KATNAL1: variants seen among roughly 807,000 people sequenced by gnomAD.
KATNAL1 encodes katanin p60 ATPase-containing subunit A-like 1.
Under a neutral mutation model 55.2 loss-of-function variants are expected in KATNAL1, and 32 were observed. The ratio of observed to expected loss-of-function variants is 0.58; its 90% confidence interval spans 0.44 to 0.78. KATNAL1 has a LOEUF of 0.78. Ranked by LOEUF, KATNAL1 falls within the 30% of genes least tolerant of loss-of-function variation. The probability of loss-of-function intolerance (pLI) is 0.00; values close to 1 mark genes in which losing one functional copy is unlikely to be tolerated. For synonymous variants in KATNAL1, 193 were observed against 193.6 expected (o/e 1.00, Z 0.02); for missense variants, 466 against 600.9 (o/e 0.78, Z 2.35).
chr13:30,269,188 T>C (rs1037775312), intron 3 of KATNAL1, among the ~76,000 whole-genome samples: 3 of 152,200 alleles, frequency 2.0e-5, no homozygotes, highest in African/African-American at 7.2e-5. Flanking sequence ...CCTGCCTGAT[T>C]CTCCTGCCTC....
At chr13:30,281,004 G>A (rs553069053) in intron 2 of KATNAL1, among the ~76,000 whole-genome samples, 96 of 151,314 alleles carry the variant, frequency 6.3e-4, no homozygotes, top group Non-Finnish European at 8.2e-4. Flanking sequence ...GTCCTAGTGC[G>A]AGTCTATAGT....
chr13:30,258,138 C>T (rs1013723242), intron 3 of KATNAL1, among the ~76,000 whole-genome samples: 1 of 152,312 alleles, frequency 6.6e-6, no homozygotes, highest in East Asian at 1.9e-4. Flanking sequence ...TACTAGCTTA[C>T]GGCACTTCAA....
At chr13:30,248,990 C>T (rs955218558) in intron 4 of KATNAL1, among the ~76,000 whole-genome samples, 29 of 151,364 alleles carry the variant, frequency 1.9e-4, no homozygotes, top group South Asian at 2.1e-4. Context: ...ACGCAGGAGG[C>T]GGAGCTTGCA....
intron 3 of KATNAL1, among the ~76,000 whole-genome samples, chr13:30,277,970 G>A (rs1350781643): frequency 5.5e-5 from 6 of 109,746 alleles, no homozygotes; most frequent in Middle Eastern, 7.7e-3. Flanking sequence ...GGGACAGAGC[G>A]AGACTCCGTC....
chr13:30,220,941 TG>T (rs760126043), intron 9 of KATNAL1, among the ~76,000 whole-genome samples: 127 of 152,196 alleles, frequency 8.3e-4, no homozygotes, highest in Non-Finnish European at 1.6e-3. Flanking sequence ...TCAGGTGATC[TG>T]CCCACATTGG....
intron 1 of KATNAL1, among the ~76,000 whole-genome samples, chr13:30,292,481 T>C (rs2137555281): frequency 6.6e-6 from 1 of 152,214 alleles, no homozygotes; most frequent in African/African-American, 2.4e-5. Flanking sequence ...AGGCCTAAGC[T>C]TAGAGAACCT....
rs899462289 is a variant in KATNAL1 at position 30,306,052 on chromosome 13, T to G, written c.-15+1279A>C. On this transcript the variant is annotated intron_variant, in intron 1 of 10. Coordinates refer to ENST00000380615, the MANE Select transcript of KATNAL1 (RefSeq NM_032116.5). ...TTTTATAGGATTTGTGGTCTTTTTGTTTTTAAACACACACACACACAAACT... is the reference window on the plus strand; with the variant it reads ...TTTTATAGGATTTGTGGTCTTTTTGGTTTTAAACACACACACACACAAACT... Among the ~76,000 whole-genome samples, 134 of 148,136 alleles carry G rather than the reference T, an allele frequency of 9.0e-4. 1 individual carries two copies. Among genetic ancestry groups the G allele is most frequent in the African/African-American group, 3.1e-3 (128 of 41,348 alleles).
intron 3 of KATNAL1, among the ~76,000 whole-genome samples, chr13:30,269,088 G>T (rs674253): frequency 0.29 from 44,592 of 151,420 alleles, 7,631 homozygotes; most frequent in Admixed American, 0.44. Flanking sequence ...CTCTCCCCAC[G>T]GTCTCTCTCT....
chr13:30,221,052 T>C (rs1874805251), intron 9 of KATNAL1, among the ~76,000 whole-genome samples: 1 of 152,186 alleles, frequency 6.6e-6, no homozygotes, highest in Admixed American at 6.5e-5. Context: ...GTAATGACAT[T>C]ATTAAATTAT....
chr13:30,271,664 A>C (rs2137507733), intron 3 of KATNAL1, among the ~76,000 whole-genome samples: 1 of 152,270 alleles, frequency 6.6e-6, no homozygotes, highest in Non-Finnish European at 1.5e-5. Flanking sequence ...TTACAATTCA[A>C]CATGAGATGT....
intron 3 of KATNAL1, among the ~76,000 whole-genome samples, chr13:30,277,666 C>T (rs989808641): frequency 1.3e-5 from 2 of 152,270 alleles, no homozygotes; most frequent in Middle Eastern, 3.4e-3. Flanking sequence ...CCCTTGCATA[C>T]ATTCTGTGCC....
intron 6 of KATNAL1, among the ~76,000 whole-genome samples, chr13:30,239,877 G>C (rs888507880): frequency 1.3e-5 from 2 of 151,910 alleles, no homozygotes; most frequent in African/African-American, 4.8e-5. Flanking sequence ...GTAAAGATGA[G>C]GTTTCACCAT....
At position 30,243,276 on chromosome 13, in the gene KATNAL1, T is replaced by C. The variant is rs1026555767; in HGVS notation, c.493-2190A>G. 3.3e-5 allele frequency among the ~76,000 whole-genome samples: 5 copies of C among 152,226 alleles called. No individual in the cohort carries two copies. In the South Asian group the frequency reaches 6.2e-4, roughly 19 times the overall value. On this transcript the variant is annotated intron_variant, in intron 4 of 10. Transcript: ENST00000380615. ...CATCTTTCATTAGTGTTGGATAATC[T>C]TCTATTTGAGGAAAATTAGGCTCAA...
In KATNAL1 at chr13:30,205,178, A is replaced by G. The variant is rs78144532; in HGVS notation, c.*3362T>C. 1 of 152,232 alleles carries G rather than the reference A, an allele frequency of 6.6e-6. No homozygotes were observed. Among genetic ancestry groups the G allele is most frequent in the Admixed American group, 6.5e-5 (1 of 15,284 alleles). 9.4% of individuals were successfully genotyped at this position (152,232 alleles called of 1,614,324 possible). A position where few individuals can be genotyped will look rare whatever the true frequency, so the allele number is the denominator to read the frequency against. ...CAAAAAATAGGGGAAAAAAACTTTT[A>G]TATATTTTTCCAAAGCACAAACAGA... On this transcript the variant is annotated 3_prime_UTR_variant, in exon 11 of 11. Coordinates refer to ENST00000380615, the MANE Select transcript of KATNAL1 (RefSeq NM_032116.5).
Position 30,280,081 on chromosome 13 carries a change from G to T in KATNAL1, c.305C>A (p.Pro102His), listed in dbSNP as rs762943104. ...TATTTACCTGTGTTCTGCAGGAACA[G>T]GGGGTGGCCAAACAGCAGGATCTCT... ...PFRDPAVWPP[P>H]VPAEHRAPPQ... Residue 102 changes from proline to histidine, a missense_variant, in exon 3 of 11, where the codon CCT becomes CAT. This residue lies in a region of KATNAL1 where 248 missense variants were observed against 275.5 expected (regional missense o/e 0.90). Coordinates refer to ENST00000380615, the MANE Select transcript of KATNAL1 (RefSeq NM_032116.5). The T allele has an allele frequency of 1.2e-4, 196 of 1,611,942 alleles. 1 individual carries two copies. Among genetic ancestry groups the T allele is most frequent in the Non-Finnish European group, 1.6e-4 (194 of 1,179,234 alleles).
chr13:30,227,931 A>G (rs112099946), intron 8 of KATNAL1, among the ~76,000 whole-genome samples: 56 of 152,236 alleles, frequency 3.7e-4, no homozygotes, highest in African/African-American at 1.3e-3. Flanking sequence ...CAAAAATTTT[A>G]TTTTAGTTTT....
intron 1 of KATNAL1, among the ~76,000 whole-genome samples, chr13:30,298,271 G>A (rs1177242308): frequency 6.6e-6 from 1 of 152,084 alleles, no homozygotes; most frequent in Admixed American, 6.5e-5. Flanking sequence ...AACTCATATG[G>A]TATATACTCT....
intron 3 of KATNAL1, among the ~76,000 whole-genome samples, chr13:30,275,785 A>AATAT (rs1207430707): frequency 6.6e-6 from 1 of 151,854 alleles, no homozygotes; most frequent in African/African-American, 2.4e-5. Context: ...TATTTCAAAA[A>AATAT]ATATATATAT....
chr13:30,277,112 C>T (rs1054053169), intron 3 of KATNAL1, among the ~76,000 whole-genome samples: 25 of 152,170 alleles, frequency 1.6e-4, no homozygotes, highest in African/African-American at 5.1e-4. Flanking sequence ...GCCATATCCT[C>T]TCTGCAGAGT....
Sources: allele counts gnomAD v4.1 joint callset (sites outside exome capture counted in the v4.1 genomes callset), GRCh38; gene constraint gnomAD v4.1.1; regional missense constraint gnomAD v4.1.1; transcripts MANE v1.5; gene names NCBI Gene and HGNC (gene_info 2026-07-23, HGNC 2026-07-21).